Variants in HTR2A observed in about 807,000 individuals in gnomAD.
HTR2A encodes the protein 5-hydroxytryptamine receptor 2A.
HTR2A carries 14 observed loss-of-function variants against 31.0 expected under a neutral mutation model. The observed-to-expected ratio is 0.45, with a 90% CI of 0.30 to 0.71. HTR2A has a LOEUF of 0.71. HTR2A is among the 30% of genes least tolerant of loss of function. The pLI is 0.09. For missense variants in HTR2A, 442 were observed against 573.3 expected, an observed-to-expected ratio of 0.77 and a Z score of 2.34; for synonymous variants, 209 against 225.2, an observed-to-expected ratio of 0.93 and a Z score of 0.64.
chr13:46,849,200 G>A (rs1950664341), intron 3 of HTR2A, among the ~76,000 whole-genome samples: 1 of 152,110 alleles, frequency 6.6e-6, no homozygotes, highest in Non-Finnish European at 1.5e-5. Context: ...TCCTGCCTTT[G>A]CAAAAGACTC....
chr13:46,857,292 C>A (rs1472453734), intron 3 of HTR2A, among the ~76,000 whole-genome samples: 1 of 136,934 alleles, frequency 7.3e-6, no homozygotes, highest in Non-Finnish European at 1.6e-5. Flanking sequence ...AGCAAGACTC[C>A]ATCTTAAAAA....
chr13:46,875,092 C>T (rs190973266), intron 3 of HTR2A, among the ~76,000 whole-genome samples: 92 of 152,310 alleles, frequency 6.0e-4, no homozygotes, highest in African/African-American at 2.0e-3. Flanking sequence ...GCAACTGGGT[C>T]ATGTCCAAAA....
Position 46,852,388 on chromosome 13 carries a change from A to AG in HTR2A, c.614-16750dup, listed in dbSNP as rs1208507855. Reference sequence around the variant, plus strand: ...CCACGTTCTTGGAGGTAGTCAGCAAAGGGGGGCTCTCTCGGCTGGGCTGGC... The same window carrying AG: ...CCACGTTCTTGGAGGTAGTCAGCAAAGGGGGGGCTCTCTCGGCTGGGCTGGC... On this transcript the variant is annotated intron_variant, in intron 3 of 3. Transcript: ENST00000542664. Among the ~76,000 whole-genome samples the AG allele has an allele frequency of 1.1e-4, 17 of 152,346 alleles. No individual in the cohort carries two copies. In the East Asian group the frequency reaches 3.1e-3, roughly 28 times the overall value.
intron 3 of HTR2A, among the ~76,000 whole-genome samples, chr13:46,889,569 A>C (rs1181657021): frequency 1.3e-5 from 2 of 152,206 alleles, no homozygotes; most frequent in African/African-American, 4.8e-5. Context: ...ATATTCCAGG[A>C]ATGTAAGACA....
chr13:46,834,975 C>T lies in HTR2A; in HGVS notation c.1278G>A (p.Met426Ile). Residue 426 changes from methionine (M) to isoleucine (I), a missense_variant, in exon 4 of 4, where the codon ATG becomes ATA. Around this residue, in one of 5 missense-constraint regions of HTR2A, gnomAD observed 88 missense variants for 83.1 expected, o/e 1.06. Coordinates refer to ENST00000542664, the MANE Select transcript of HTR2A (RefSeq NM_000621.5). ...ALAYKSSQLQMGQKKNSKQDA... is the reference protein window; with the variant it reads ...ALAYKSSQLQIGQKKNSKQDA... ...CTTGCTTTGAATTCTTTTTTTGTCC[C>T]ATTTGAAGTTGGCTAGACTTGTAGG... The T allele has an allele frequency of 1.2e-6, 2 of 1,614,044 alleles. No individual in the cohort carries two copies. The highest frequency in any genetic ancestry group is 1.7e-6 in the Non-Finnish European group (2 of 1,179,958).
At chr13:46,862,787 T>TATATA (rs1950790653) in intron 3 of HTR2A, among the ~76,000 whole-genome samples, 2 of 152,354 alleles carry the variant, frequency 1.3e-5, no homozygotes, top group African/African-American at 2.4e-5. Flanking sequence ...TGTCAGAACA[T>TATATA]GTAGAAAGAT....
chr13:46,878,594 A>G (rs549684265), intron 3 of HTR2A, among the ~76,000 whole-genome samples: 9 of 152,272 alleles, frequency 5.9e-5, no homozygotes, highest in Admixed American at 3.9e-4. Flanking sequence ...AAGGTAGAGA[A>G]TGGGTCTCTG....
intron 3 of HTR2A, among the ~76,000 whole-genome samples, chr13:46,857,592 A>G (rs970218706): frequency 6.6e-6 from 1 of 152,184 alleles, no homozygotes; most frequent in African/African-American, 2.4e-5. Flanking sequence ...AATTTTGGGG[A>G]GATGCATTCA....
intron 3 of HTR2A, among the ~76,000 whole-genome samples, chr13:46,870,887 C>T (rs2138226639): frequency 6.6e-6 from 1 of 152,184 alleles, no homozygotes; most frequent in South Asian, 2.1e-4. Flanking sequence ...ATATATATAA[C>T]TAAGATTATA....
At chr13:46,844,638 T>A (rs1950626609) in intron 3 of HTR2A, among the ~76,000 whole-genome samples, 1 of 152,182 alleles carries the variant, frequency 6.6e-6, no homozygotes. Flanking sequence ...TCTAGGCCCG[T>A]TATTTTTCAC....
intron 3 of HTR2A, among the ~76,000 whole-genome samples, chr13:46,853,174 C>T (rs1159603399): frequency 6.6e-6 from 1 of 152,076 alleles, no homozygotes; most frequent in Non-Finnish European, 1.5e-5. Context: ...TGATTAATAT[C>T]GTACACCAGG....
intron 3 of HTR2A, among the ~76,000 whole-genome samples, chr13:46,847,183 G>A (rs1348385308): frequency 2.6e-5 from 4 of 152,180 alleles, no homozygotes; most frequent in East Asian, 1.9e-4. Context: ...CTTGACCTAC[G>A]GCATGATTTG....
rs755377950 is a variant in HTR2A, at chr13:46,892,596, A to T, written c.413-6T>A. 1 of 1,613,766 alleles carries T rather than the reference A, an allele frequency of 6.2e-7. No individual in the cohort carries two copies. The highest frequency in any genetic ancestry group is 8.5e-7 in the Non-Finnish European group (1 of 1,179,908). Reference sequence around the variant, plus strand: ...CGGCAGAGGCCACCGGTACCCTATGAGGCAGAAGGTTGGTGTCAGTGAGCA... The same window carrying T: ...CGGCAGAGGCCACCGGTACCCTATGTGGCAGAAGGTTGGTGTCAGTGAGCA... On this transcript the variant is annotated splice_polypyrimidine_tract_variant and splice_region_variant and intron_variant, in intron 2 of 3. Coordinates refer to ENST00000542664, the MANE Select transcript of HTR2A (RefSeq NM_000621.5).
At chr13:46,876,802 T>C (rs1238963382) in intron 3 of HTR2A, among the ~76,000 whole-genome samples, 4 of 152,188 alleles carry the variant, frequency 2.6e-5, no homozygotes, top group African/African-American at 9.6e-5. Context: ...ATCCTCACTG[T>C]GTCCCCCACA....
intron 3 of HTR2A, among the ~76,000 whole-genome samples, chr13:46,866,982 C>A (rs573235560): frequency 6.6e-6 from 1 of 152,070 alleles, no homozygotes; most frequent in Non-Finnish European, 1.5e-5. Flanking sequence ...GTCGAGATTG[C>A]GCCACTGCAC....
At chr13:46,868,523 T>A (rs1950837560) in intron 3 of HTR2A, among the ~76,000 whole-genome samples, 1 of 152,308 alleles carries the variant, frequency 6.6e-6, no homozygotes, top group East Asian at 1.9e-4. Flanking sequence ...ATTGCTAAAT[T>A]TTTTTTCTTC....
upstream of HTR2A, among the ~76,000 whole-genome samples, chr13:46,898,030 A>G (rs1325674245): frequency 2.6e-5 from 4 of 152,144 alleles, no homozygotes; most frequent in African/African-American, 7.2e-5. Context: ...TCTCGCTGCC[A>G]GATCCCACTT....
chr13:46,895,572 A>C lies in HTR2A; in HGVS notation c.335T>G (p.Phe112Cys). 1 of 1,614,170 alleles carries C rather than the reference A, an allele frequency of 6.2e-7. No homozygotes were observed. Among genetic ancestry groups the C allele is most frequent in the Non-Finnish European group, 8.5e-7 (1 of 1,180,004 alleles). The change falls in exon 2 of 4, where the codon TTC (phenylalanine) becomes TGC (cysteine). Residue 112 changes from phenylalanine (F) to cysteine (C), a missense_variant. By Grantham distance (205) the Phe-to-Cys change is radical (BLOSUM62 -2). This residue lies in a region of HTR2A where 86 missense variants were observed against 179.1 expected (regional missense o/e 0.48). Coordinates refer to ENST00000542664, the MANE Select transcript of HTR2A (RefSeq NM_000621.5). This position sits in a 1 kb window ranked among gnomAD's most constrained non-coding sequence, Gnocchi z 4.4. ...ATCAGCTATGGCAAGTGACATCAGG[A>C]AATAGTTGGTGGCATTCTGCAGCTT... ...EKKLQNATNY[F>C]LMSLAIADML...
chr13:46,887,422 C>CAAA (rs60134726), intron 3 of HTR2A, among the ~76,000 whole-genome samples: 1,882 of 100,300 alleles, frequency 0.019, 88 homozygotes, highest in African/African-American at 0.031. Context: ...GACTCTGTCT[C>CAAA]AAAAAAAAAA....
Sources: allele counts gnomAD v4.1 joint callset (sites outside exome capture counted in the v4.1 genomes callset), GRCh38; gene constraint gnomAD v4.1.1; regional missense constraint gnomAD v4.1.1; non-coding constraint Gnocchi (gnomAD v3.1); transcripts MANE v1.5; gene names NCBI Gene and HGNC (gene_info 2026-07-23, HGNC 2026-07-21).